RPS6: variants seen among roughly 807,000 people sequenced by gnomAD.
RPS6 encodes the protein ribosomal protein S6.
In RPS6, 1 loss-of-function variant was observed where a neutral mutation model predicts 27.1. That is an observed-to-expected ratio of 0.04 (90% CI 0.01 to 0.18). The LOEUF (loss-of-function observed/expected upper bound fraction) is 0.18, where lower values mean the gene tolerates loss of function less well. RPS6 is among the 10% of genes least tolerant of loss of function. The pLI is 1.00. For missense variants in RPS6, 259 were observed against 319.1 expected, an observed-to-expected ratio of 0.81 and a Z score of 1.44; for synonymous variants, 152 against 106.0, an observed-to-expected ratio of 1.43 and a Z score of -2.66.
chr9:19,376,687 GTTTTGTT>G, intron 4 of RPS6, 36 bp from the exon 5 acceptor site: 1 of 1,579,858 alleles, frequency 6.3e-7, no homozygotes, highest in East Asian at 2.2e-5. Context: ...TTCAATATTT[GTTTTGTT>G]AGAATCCACA....
chr9:19,378,965 A>C (rs1589013706), intron 2 of RPS6, 47 bp from the exon 3 acceptor site: 1 of 1,563,490 alleles, frequency 6.4e-7, no homozygotes, highest in Non-Finnish European at 8.8e-7. Flanking sequence ...TCTATTCCAA[A>C]ATTATACAGT....
rs777869314 is a variant in RPS6, at chr9:19,378,496, C to G, written c.368G>C (p.Gly123Ala). ...IVKKGEKDIP[G>A]LTDTTVPRRL... ...GCGAGGCACTGTAGTATCAGTCAGT[C>G]CAGGAATATCCTTCTCTCCTTAGAA... Residue 123 changes from glycine to alanine, a missense_variant, in exon 4 of 6, where the codon GGA becomes GCA. By Grantham distance (60) the Gly-to-Ala change is moderately conservative (BLOSUM62 0). Around this residue, in one of 3 missense-constraint regions of RPS6, gnomAD observed 191 missense variants for 231.6 expected, o/e 0.82. Transcript: ENST00000380394. 1.9e-6 allele frequency: 3 copies of G among 1,613,138 alleles called. No homozygotes were observed. The African/African-American group carries it at 4.0e-5, about 22-fold the overall frequency.
chr9:19,379,644 T>C, intron 1 of RPS6, 26 bp from the exon 2 acceptor site: 4 of 1,601,602 alleles, frequency 2.5e-6, no homozygotes, highest in Non-Finnish European at 3.4e-6. Context: ...GGGGAAATAG[T>C]TTACGAAACT....
At chr9:19,379,251 C>T (rs1001249707) in intron 2 of RPS6, 1 of 1,414,480 alleles carries the variant, frequency 7.1e-7, no homozygotes, top group African/African-American at 1.4e-5. Context: ...GACATATTGC[C>T]AAATGCATGA....
At position 19,378,351 on chromosome 9, in the gene RPS6, T is replaced by G; in HGVS notation, c.496+17A>C. 7 of 1,609,502 alleles carry G rather than the reference T, an allele frequency of 4.3e-6. No homozygotes were observed. The highest frequency in any genetic ancestry group is 5.9e-6 in the Non-Finnish European group (7 of 1,178,778). ...TTACCAAAATTAAGCAAGCCCTAAT[T>G]GCATAATCCCTCCTACCTTCTTTAT... On this transcript the variant is annotated intron_variant, in intron 4 of 5. Transcript: ENST00000380394.
intron 4 of RPS6, among the ~76,000 whole-genome samples, chr9:19,378,096 C>A (rs1464307635): frequency 6.6e-6 from 1 of 152,080 alleles, no homozygotes; most frequent in Non-Finnish European, 1.5e-5. Flanking sequence ...ATAGCAATGA[C>A]CTTAAAGTCA....
Position 19,378,916 on chromosome 9 carries a change from A to G in RPS6, c.141T>C (p.Gly47=), listed in dbSNP as rs370344732. The G allele has an allele frequency of 1.5e-5, 24 of 1,613,800 alleles. No individual in the cohort carries two copies. Among genetic ancestry groups the G allele is most frequent in the Non-Finnish European group, 1.2e-5 (14 of 1,179,898 alleles). The change falls in exon 3 of 6, where the codon GGT becomes GGC. Residue 47 remains glycine (G), a splice_region_variant and synonymous_variant. Coordinates refer to ENST00000380394, the MANE Select transcript of RPS6 (RefSeq NM_001010.3). ...TCCCACCACTGATTCGGACCACATAACCCTGCAAGAGCATACAATGAATGA... is the reference window on the plus strand; with the variant it reads ...TCCCACCACTGATTCGGACCACATAGCCCTGCAAGAGCATACAATGAATGA... ...AADALGEEWK[G]YVVRISGGND...
At chr9:19,379,784 A>G in intron 1 of RPS6, 166 bp from the exon 2 acceptor site, 1 of 1,457,200 alleles carries the variant, frequency 6.9e-7, no homozygotes. Flanking sequence ...AAAGCAGAGT[A>G]GCAGTCAAGA....
intron 2 of RPS6, chr9:19,379,210 G>A (rs1829638896): frequency 2.7e-6 from 3 of 1,129,714 alleles, no homozygotes; most frequent in African/African-American, 1.6e-5. Flanking sequence ...AACCCTTTTT[G>A]GCACTTTGGG....
In RPS6 at chr9:19,376,158, T is replaced by C. The variant is rs113373506; in HGVS notation, c.*135A>G. The C allele has an allele frequency of 4.1e-4, 297 of 731,732 alleles. No homozygotes were observed. The African/African-American group carries it at 4.5e-3, about 11-fold the overall frequency. 45.3% of individuals were successfully genotyped at this position (731,732 alleles called of 1,614,324 possible). A position where few individuals can be genotyped will look rare whatever the true frequency, so the allele number is the denominator to read the frequency against. Reference sequence around the variant, plus strand: ...ACAATAGGTCTGACTTTATCCACCATTGGAATACCATATATACATATCCCC... The same window carrying C: ...ACAATAGGTCTGACTTTATCCACCACTGGAATACCATATATACATATCCCC... On this transcript the variant is annotated 3_prime_UTR_variant, in exon 6 of 6. Coordinates refer to ENST00000380394, the MANE Select transcript of RPS6 (RefSeq NM_001010.3).
intron 4 of RPS6, among the ~76,000 whole-genome samples, chr9:19,377,380 A>C (rs1263906524): frequency 7.0e-6 from 1 of 142,360 alleles, no homozygotes; most frequent in Non-Finnish European, 1.5e-5. Context: ...ACTGCCACCT[A>C]TTTGTCAATT....
chr9:19,379,060 T>C (rs1183829394), intron 2 of RPS6, 142 bp from the exon 3 acceptor site: 1 of 903,058 alleles, frequency 1.1e-6, no homozygotes, highest in African/African-American at 1.7e-5. Context: ...TTTTCTCTGT[T>C]CAGTGAGTTT....
At position 19,379,963 on chromosome 9, in the gene RPS6, C is replaced by A. The variant is rs1347322540; in HGVS notation, c.6+227G>T. On this transcript the variant is annotated intron_variant, in intron 1 of 5. Transcript: ENST00000380394. Reference sequence around the variant, plus strand: ...ACGCCGCATCCGTCCCGGCTGGGCGCGGGGACGCCACCATGGCGCTCCCGG... The same window carrying A: ...ACGCCGCATCCGTCCCGGCTGGGCGAGGGGACGCCACCATGGCGCTCCCGG... 3 of 1,439,488 alleles carry A rather than the reference C, an allele frequency of 2.1e-6. No homozygotes were observed. In the South Asian group the frequency reaches 4.5e-5, roughly 21 times the overall value. The allele number at this position is 1,439,488 out of a possible 1,614,324, so 89.2% of individuals were successfully genotyped here. A position where few individuals can be genotyped will look rare whatever the true frequency, so the allele number is the denominator to read the frequency against.
At position 19,378,708 on chromosome 9, in the gene RPS6, CT is replaced by C. The variant is rs34590252; in HGVS notation, c.348del (p.Gly117GlufsTer8). 1 of 1,613,814 alleles carries C rather than the reference CT, an allele frequency of 6.2e-7. No individual in the cohort carries two copies. Among genetic ancestry groups the C allele is most frequent in the Non-Finnish European group, 8.5e-7 (1 of 1,179,760 alleles). On this transcript the variant is annotated frameshift_variant and splice_region_variant, in exon 3 of 6. Coordinates refer to ENST00000380394, the MANE Select transcript of RPS6 (RefSeq NM_001010.3). LOFTEE classifies it high-confidence loss of function. ...LSVLNLVIVK[K>X]GEKDIPGLTD... ...AAAATTGAACACAAGTAACCCTCACCTTTTTTTACAATAACCAAGTTGAGAA... is the reference window on the plus strand; with the variant it reads ...AAAATTGAACACAAGTAACCCTCACCTTTTTTACAATAACCAAGTTGAGAA...
chr9:19,376,426 T>G, intron 5 of RPS6, 38 bp from the exon 6 acceptor site: 1 of 1,613,050 alleles, frequency 6.2e-7, no homozygotes, highest in Non-Finnish European at 8.5e-7. Flanking sequence ...AAGGCCTTTC[T>G]GGGTTAAAGA....
intron 4 of RPS6, among the ~76,000 whole-genome samples, chr9:19,377,327 G>A (rs992218089): frequency 8.0e-5 from 12 of 150,668 alleles, no homozygotes; most frequent in East Asian, 1.9e-4. Flanking sequence ...ACCAGACCAC[G>A]CTTGTATTAT....
chr9:19,379,061 C>G, intron 2 of RPS6, 143 bp from the exon 3 acceptor site: 2 of 902,516 alleles, frequency 2.2e-6, no homozygotes, highest in African/African-American at 1.7e-5. Context: ...TTTCTCTGTT[C>G]AGTGAGTTTT....
rs1429644411 is a variant in RPS6 at position 19,378,871 on chromosome 9, G to A, written c.186C>T (p.Pro62=). 1.9e-6 allele frequency: 3 copies of A among 1,614,036 alleles called. No individual in the cohort carries two copies. The African/African-American group carries it at 4.0e-5, about 22-fold the overall frequency. Residue 62 remains proline, a synonymous_variant, in exon 3 of 6, where the codon CCC becomes CCT. Coordinates refer to ENST00000380394, the MANE Select transcript of RPS6 (RefSeq NM_001010.3). ...CATGGGTCAAGACACCCTGCTTCAT[G>A]GGGAAACCTTGTTTGTCGTTCCCAC... ...ISGGNDKQGF[P]MKQGVLTHGR...
At chr9:19,378,067 CAT>C (rs1263762717) in intron 4 of RPS6, among the ~76,000 whole-genome samples, 1 of 152,180 alleles carries the variant, frequency 6.6e-6, no homozygotes, top group African/African-American at 2.4e-5. Flanking sequence ...AATTCTCAAA[CAT>C]GTGACTCCTA....
Sources: allele counts gnomAD v4.1 joint callset (sites outside exome capture counted in the v4.1 genomes callset), GRCh38; gene constraint gnomAD v4.1.1; regional missense constraint gnomAD v4.1.1; transcripts MANE v1.5; gene names NCBI Gene and HGNC (gene_info 2026-07-23, HGNC 2026-07-21).